Variants in KRT9 observed in about 807,000 individuals in gnomAD.
KRT9 encodes the protein keratin 9, also known as keratin, type I cytoskeletal 9.
Under a neutral mutation model 51.4 loss-of-function variants are expected in KRT9, and 34 were observed. The observed-to-expected ratio is 0.66, with a 90% confidence interval of 0.50 to 0.88. The LOEUF (loss-of-function observed/expected upper bound fraction) is 0.88. Ranked by LOEUF, KRT9 falls within the 40% of genes least tolerant of loss-of-function variation. KRT9 has a pLI of 0.00. For missense variants in KRT9, 753 were observed against 790.3 expected (o/e 0.95, Z 0.57); for synonymous variants, 292 against 289.7 (o/e 1.01, Z -0.08).
At chr17:41,570,294 C>T in intron 1 of KRT9, 74 bp from the exon 2 acceptor site, 1 of 1,248,494 alleles carries the variant, frequency 8.0e-7, no homozygotes, top group Non-Finnish European at 1.2e-6. Flanking sequence ...CAGGCAAAGC[C>T]ACAGGAGGTG....
intron 4 of KRT9, 68 bp from the exon 5 acceptor site, chr17:41,568,701 A>G (rs1489638273): frequency 6.2e-7 from 1 of 1,602,808 alleles, no homozygotes; most frequent in Admixed American, 1.7e-5. Flanking sequence ...ATTCTGCCCC[A>G]TTCACCAGGA....
rs149846672 is a variant in KRT9, at chr17:41,568,523, C to T, written c.1155G>A (p.Gln385=). 3.1e-6 allele frequency: 5 copies of T among 1,614,212 alleles called. No individual in the cohort carries two copies. In the South Asian group the frequency reaches 5.5e-5, roughly 18 times the overall value. ...HGVQELEIEL[Q]SQLSKKAALE... ...AACTACCAACCTTGCTGAGCTGAGA[C>T]TGCAGCTCAATCTCCAACTCCTGGA... Residue 385 remains glutamine (Q), a synonymous_variant, in exon 5 of 8, where the codon CAG becomes CAA. Coordinates refer to ENST00000246662, the MANE Select transcript of KRT9 (RefSeq NM_000226.4).
rs1907017227 is a variant in KRT9, at chr17:41,569,891, C to A, written c.850G>T (p.Glu284Ter). 5 of 1,614,096 alleles carry A rather than the reference C, an allele frequency of 3.1e-6. No individual in the cohort carries two copies. The highest frequency in any genetic ancestry group is 4.2e-6 in the Non-Finnish European group (5 of 1,180,052). Reference protein sequence around the residue: ...LEMQYETLQEELMALKKNHKE... With the variant: ...LEMQYETLQE ...TGATTCTTCTTGAGGGCCATCAGCT[C>A]CTCCTGCAGAGTCTCATACTGCATC... Residue 284 changes from glutamate to a stop codon, truncating the protein, a stop_gained, in exon 3 of 8, where the codon GAG becomes TAG. Transcript: ENST00000246662. LOFTEE classifies it high-confidence loss of function.
intron 7 of KRT9, 71 bp from the exon 8 acceptor site, chr17:41,566,223 T>TG: frequency 6.5e-6 from 1 of 153,332 alleles, no homozygotes. Flanking sequence ...GGTTGGGACT[T>TG]GGGGGAAGAT....
rs767323384 is a variant in KRT9 at position 41,567,331 on chromosome 17, T to C, written c.1814A>G (p.Glu605Gly). 1 of 1,614,058 alleles carries C rather than the reference T, an allele frequency of 6.2e-7. No homozygotes were observed. Among genetic ancestry groups the C allele is most frequent in the East Asian group, 2.2e-5 (1 of 44,884 alleles). Residue 605 changes from glutamate to glycine, a missense_variant, in exon 7 of 8, where the codon GAA becomes GGA. Around this residue, in one of 3 missense-constraint regions of KRT9, gnomAD observed 507 missense variants for 563.7 expected, o/e 0.90. Coordinates refer to ENST00000246662, the MANE Select transcript of KRT9 (RefSeq NM_000226.4). ...ESGGSYGGGEEASGSGGGYGG... is the reference protein window; with the variant it reads ...ESGGSYGGGEGASGSGGGYGG... ...GTAGCCGCCACCACTTCCACTCGCT[T>C]CTTCACCGCCTCCGTAGCTGCCTCC...
chr17:41,571,766 C>T lies in KRT9; in HGVS notation c.227G>A (p.Gly76Glu). 4 of 1,613,698 alleles carry T rather than the reference C, an allele frequency of 2.5e-6. No homozygotes were observed. The highest frequency in any genetic ancestry group is 8.5e-7 in the Non-Finnish European group (1 of 1,179,844). ...GGSFGYSYGGGSGGGFSASSL... is the reference protein window; with the variant it reads ...GGSFGYSYGGESGGGFSASSL... Reference sequence around the variant, plus strand: ...ACTGGCACTAAAACCACCCCCAGATCCTCCGCCGTAGCTGTAGCCAAAACT... The same window carrying T: ...ACTGGCACTAAAACCACCCCCAGATTCTCCGCCGTAGCTGTAGCCAAAACT... Residue 76 changes from glycine to glutamate, a missense_variant, in exon 1 of 8, where the codon GGA becomes GAA. Gly to Glu is a moderately conservative substitution (Grantham distance 98, BLOSUM62 -2). Coordinates refer to ENST00000246662, the MANE Select transcript of KRT9 (RefSeq NM_000226.4).
In KRT9 at chr17:41,567,352, C is replaced by G. The variant is rs778675824; in HGVS notation, c.1793G>C (p.Gly598Ala). The G allele has an allele frequency of 6.2e-7, 1 of 1,613,546 alleles. No individual in the cohort carries two copies. The highest frequency in any genetic ancestry group is 8.5e-7 in the Non-Finnish European group (1 of 1,179,714). Residue 598 changes from glycine to alanine, a missense_variant, in exon 7 of 8, where the codon GGC (glycine) becomes GCC (alanine). Gly to Ala is a moderately conservative substitution (Grantham distance 60). Coordinates refer to ENST00000246662, the MANE Select transcript of KRT9 (RefSeq NM_000226.4). Reference sequence around the variant, plus strand: ...CGCTTCTTCACCGCCTCCGTAGCTGCCTCCACTTTCACCTCCAAAACCACT... The same window carrying G: ...CGCTTCTTCACCGCCTCCGTAGCTGGCTCCACTTTCACCTCCAAAACCACT... ...GGSGFGGESG[G>A]SYGGGEEASG... is the part of the protein sequence containing the mutation.
intron 7 of KRT9, among the ~76,000 whole-genome samples, chr17:41,566,384 G>A (rs566673708): frequency 6.6e-6 from 1 of 152,218 alleles, no homozygotes; most frequent in East Asian, 1.9e-4. Flanking sequence ...GTCTGAGGAT[G>A]GGGGGCTTAT....
In KRT9 at chr17:41,571,620, C is replaced by T; in HGVS notation, c.373G>A (p.Gly125Ser). ...CCCCCAAACCCACTCCCATAGCCAC[C>T]ACCAAAGCCACCTCCAGAACCACCA... ...FGGGSGGGFG[G>S]GYGSGFGGFG... The change falls in exon 1 of 8, where the codon GGT becomes AGT. Residue 125 changes from glycine to serine, a missense_variant. Physicochemically the swap from Gly to Ser is moderately conservative, Grantham distance 56. Coordinates refer to ENST00000246662, the MANE Select transcript of KRT9 (RefSeq NM_000226.4). 1 of 1,606,040 alleles carries T rather than the reference C, an allele frequency of 6.2e-7. No individual in the cohort carries two copies. The highest frequency in any genetic ancestry group is 8.5e-7 in the Non-Finnish European group (1 of 1,175,830).
chr17:41,569,702 G>T, intron 3 of KRT9, 115 bp from the exon 4 acceptor site: 1 of 1,492,264 alleles, frequency 6.7e-7, no homozygotes, highest in Non-Finnish European at 9.3e-7. Flanking sequence ...TGAAGCCAAA[G>T]CCCAACCACT....
chr17:41,571,771 G>A lies in KRT9; in HGVS notation c.222C>T (p.Gly74=), dbSNP rs114665757. The change falls in exon 1 of 8, where the codon GGC becomes GGT. Residue 74 remains glycine, a synonymous_variant. Transcript: ENST00000246662. Reference sequence around the variant, plus strand: ...CACTAAAACCACCCCCAGATCCTCCGCCGTAGCTGTAGCCAAAACTGCCAC... The same window carrying A: ...CACTAAAACCACCCCCAGATCCTCCACCGTAGCTGTAGCCAAAACTGCCAC... ...GGGGSFGYSY[G]GGSGGGFSAS... 1,571 of 1,612,426 alleles carry A rather than the reference G, an allele frequency of 9.7e-4. 29 individuals are homozygous for A. The South Asian group carries it at 0.013, about 13-fold the overall frequency.
Position 41,568,296 on chromosome 17 carries a change from C to G in KRT9, c.1260G>C (p.Glu420Asp). ...QMIQEQISNL[E>D]AQITDVRQEI... ...CTTGCCGGACGTCAGTGATCTGGGC[C>G]TCCAAGTTACTGATCTGCTCCTGGA... Residue 420 changes from glutamate (E) to aspartate (D), a missense_variant, in exon 6 of 8, where the codon GAG becomes GAC. Coordinates refer to ENST00000246662, the MANE Select transcript of KRT9 (RefSeq NM_000226.4). 6.2e-7 allele frequency: 1 copy of G among 1,614,164 alleles called. No individual in the cohort carries two copies. Among genetic ancestry groups the G allele is most frequent in the Non-Finnish European group, 8.5e-7 (1 of 1,180,026 alleles).
Position 41,571,956 on chromosome 17 carries a change from G to A in KRT9, c.37C>T (p.Arg13Cys), listed in dbSNP as rs773447868. 35 of 1,585,166 alleles carry A rather than the reference G, an allele frequency of 2.2e-5. No individual in the cohort carries two copies. Among genetic ancestry groups the A allele is most frequent in the Middle Eastern group, 2.2e-4 (1 of 4,470 alleles). ...CRQFSSSYLS[R>C]SGGGGGGGLG... is the part of the protein sequence containing the mutation. ...CCGCCCCCGCCACCCCCGCCGCTGCGGCTCAAGTAGGACGAGGAGAACTGT... is the reference window on the plus strand; with the variant it reads ...CCGCCCCCGCCACCCCCGCCGCTGCAGCTCAAGTAGGACGAGGAGAACTGT... Residue 13 changes from arginine (R) to cysteine (C), a missense_variant, in exon 1 of 8, where the codon CGC becomes TGC. By Grantham distance (180) the Arg-to-Cys change is radical. Coordinates refer to ENST00000246662, the MANE Select transcript of KRT9 (RefSeq NM_000226.4).
In KRT9 at chr17:41,568,488, T is replaced by A. The variant is rs1906955780; in HGVS notation, c.1170+20A>T. ...TCCTGTGCCCCACCTTGGCAAAGGG[T>A]CTATAGCAGAACTACCAACCTTGCT... On this transcript the variant is annotated intron_variant, in intron 5 of 7. Coordinates refer to ENST00000246662, the MANE Select transcript of KRT9 (RefSeq NM_000226.4). 2.5e-6 allele frequency: 4 copies of A among 1,613,964 alleles called. No individual in the cohort carries two copies. In the South Asian group the frequency reaches 4.4e-5, roughly 18 times the overall value.
chr17:41,567,868 G>A (rs902191215), intron 6 of KRT9, 118 bp from the exon 7 acceptor site: 2 of 1,556,692 alleles, frequency 1.3e-6, no homozygotes, highest in African/African-American at 2.7e-5. Context: ...TTCCTGGGAG[G>A]CAGAGGACAG....
chr17:41,567,089 G>T, intron 7 of KRT9, 144 bp downstream of exon 7: 1 of 1,348,436 alleles, frequency 7.4e-7, no homozygotes, highest in Non-Finnish European at 1.0e-6. Flanking sequence ...CAGAACCAAG[G>T]GTAGGTCTCT....
chr17:41,568,108 A>C, intron 6 of KRT9, 54 bp downstream of exon 6: 1 of 1,431,408 alleles, frequency 7.0e-7, no homozygotes, highest in Non-Finnish European at 9.8e-7. Flanking sequence ...GGACAGAAGT[A>C]GTATCAGAGG....
chr17:41,567,775 G>T (rs1567731414), intron 6 of KRT9, 25 bp from the exon 7 acceptor site: 3 of 1,613,898 alleles, frequency 1.9e-6, no homozygotes, highest in Non-Finnish European at 2.5e-6. Flanking sequence ...AAACAAGAGA[G>T]TTAAAATGAG....
Position 41,568,322 on chromosome 17 carries a change from T to G in KRT9, c.1234A>C (p.Ile412Leu), listed in dbSNP as rs775736845. Reference protein sequence around the residue: ...KNRYCGQLQMIQEQISNLEAQ... With the variant: ...KNRYCGQLQMLQEQISNLEAQ... ...TCCAAGTTACTGATCTGCTCCTGGA[T>G]CATCTGCAGCTGGCCACAGTAGCGG... Residue 412 changes from isoleucine to leucine, a missense_variant, in exon 6 of 8, where the codon ATC becomes CTC. Around this residue, in one of 3 missense-constraint regions of KRT9, gnomAD observed 507 missense variants for 563.7 expected, o/e 0.90. Transcript: ENST00000246662. The G allele has an allele frequency of 6.2e-7, 1 of 1,614,180 alleles. No homozygotes were observed. The highest frequency in any genetic ancestry group is 8.5e-7 in the Non-Finnish European group (1 of 1,180,022).
Sources: allele counts gnomAD v4.1 joint callset (sites outside exome capture counted in the v4.1 genomes callset), GRCh38; gene constraint gnomAD v4.1.1; regional missense constraint gnomAD v4.1.1; transcripts MANE v1.5; gene names NCBI Gene and HGNC (gene_info 2026-07-23, HGNC 2026-07-21).